Variants in KCTD21 observed in about 807,000 individuals in gnomAD.
The protein encoded by KCTD21 is BTB/POZ domain-containing protein KCTD21.
KCTD21 carries 9 observed loss-of-function variants against 13.2 expected under a neutral mutation model. The observed-to-expected ratio is 0.68, with a 90% CI of 0.41 to 1.19. KCTD21 has a LOEUF of 1.19. Ranked by LOEUF, KCTD21 falls within the 50% of genes most tolerant of loss-of-function variation. The probability of loss-of-function intolerance (pLI) is 0.01; values close to 1 mark genes in which losing one functional copy is unlikely to be tolerated. For missense variants in KCTD21, 303 were observed against 336.5 expected, an observed-to-expected ratio of 0.90 and a Z score of 0.78; for synonymous variants, 142 against 137.4, an observed-to-expected ratio of 1.03 and a Z score of -0.23.
At chr11:78,176,353 G>T (rs1209117381) in intron 1 of KCTD21, 2 of 152,150 alleles carry the variant, frequency 1.3e-5, no homozygotes, top group Non-Finnish European at 2.9e-5. Flanking sequence ...GCAAATGCAG[G>T]ACTCTGTCAG....
At chr11:78,174,905 A>G (rs901866986) in intron 1 of KCTD21, 4 of 214,922 alleles carry the variant, frequency 1.9e-5, no homozygotes, top group Non-Finnish European at 3.7e-5. Flanking sequence ...TGGTATTTTG[A>G]AAGAGTTCCC....
chr11:78,174,675 C>T (rs191355052), intron 1 of KCTD21, 92 bp from the exon 2 acceptor site: 2 of 881,742 alleles, frequency 2.3e-6, no homozygotes, highest in African/African-American at 1.7e-5. Flanking sequence ...AAGCCTATGC[C>T]CTTGGGATCG....
chr11:78,183,643 T>G (rs1447907877), intron 1 of KCTD21, among the ~76,000 whole-genome samples: 2 of 151,422 alleles, frequency 1.3e-5, no homozygotes, highest in East Asian at 3.9e-4. Context: ...TTAATTCTTT[T>G]TTTTTTTTTT....
chr11:78,186,870 T>G, intron 1 of KCTD21: 6 of 985,496 alleles, frequency 6.1e-6, no homozygotes, highest in Non-Finnish European at 7.2e-6. Context: ...CTTAAGTAGA[T>G]GGATGCCTGG....
At chr11:78,187,556 C>G in intron 1 of KCTD21, 1 of 985,440 alleles carries the variant, frequency 1.0e-6, no homozygotes, top group East Asian at 1.1e-4. Context: ...CCAGAACTTT[C>G]CTTCACCTTC....
chr11:78,188,376 G>A, intron 1 of KCTD21, 197 bp downstream of exon 1: 6 of 985,206 alleles, frequency 6.1e-6, no homozygotes, highest in Non-Finnish European at 7.2e-6. Context: ...GCCCCTCTAA[G>A]AGCTCTGCCC....
At chr11:78,184,761 T>C (rs1325365309) in intron 1 of KCTD21, among the ~76,000 whole-genome samples, 1 of 110,386 alleles carries the variant, frequency 9.1e-6, no homozygotes, top group African/African-American at 3.4e-5. Flanking sequence ...AGAATTTTTT[T>C]TTTCTTGAGA....
At chr11:78,188,302 C>A (rs1862870486) in intron 1 of KCTD21, 2 of 984,594 alleles carry the variant, frequency 2.0e-6, no homozygotes, top group Admixed American at 1.2e-4. Context: ...CTCCCACAGT[C>A]CCGACCCTCA....
rs1459081445 is a variant in KCTD21, at chr11:78,180,093, T to A, written c.-29-5510A>T. 1.3e-5 allele frequency among the ~76,000 whole-genome samples: 2 copies of A among 152,136 alleles called. 1 individual carries two copies. The highest frequency in any genetic ancestry group is 2.9e-5 in the Non-Finnish European group (2 of 68,046). ...ACATATCATAGACCTAAATATAAAA[T>A]CTAAAACTACACAACTTCTAGGAGA... On this transcript the variant is annotated intron_variant, in intron 1 of 1. Transcript: ENST00000340067.
At chr11:78,186,777 C>G in intron 1 of KCTD21, 2 of 985,444 alleles carry the variant, frequency 2.0e-6, no homozygotes, top group Non-Finnish European at 2.4e-6. Context: ...CATGCATCGG[C>G]CAGGTCTCTC....
At chr11:78,188,025 T>A in intron 1 of KCTD21, 1 of 985,434 alleles carries the variant, frequency 1.0e-6, no homozygotes, top group Non-Finnish European at 1.2e-6. Flanking sequence ...GGATGGACTC[T>A]TTATTTCCAG....
rs117759351 is a variant in KCTD21, at chr11:78,181,532, A to G, written c.-29-6949T>C. Among the ~76,000 whole-genome samples, 41 of 152,320 alleles carry G rather than the reference A, an allele frequency of 2.7e-4. No individual in the cohort carries two copies. The East Asian group carries it at 7.5e-3, about 28-fold the overall frequency. On this transcript the variant is annotated intron_variant, in intron 1 of 1. Transcript: ENST00000340067. ...GAAAAGACTGGTTACAAAGAAACAC[A>G]AGGCATATTTTGGAGTGATGGGAAT...
In KCTD21 at chr11:78,173,698, G is replaced by T; in HGVS notation, c.*74C>A. The T allele has an allele frequency of 2.4e-6, 3 of 1,265,544 alleles. No individual in the cohort carries two copies. Among genetic ancestry groups the T allele is most frequent in the Admixed American group, 3.8e-5 (2 of 51,990 alleles). 78.4% of individuals were successfully genotyped at this position (1,265,544 alleles called of 1,614,324 possible). On this transcript the variant is annotated 3_prime_UTR_variant, in exon 2 of 2. Coordinates refer to ENST00000340067, the MANE Select transcript of KCTD21 (RefSeq NM_001029859.3). ...GTATAGTCCCCTGCCTCGCACCACT[G>T]GCGAGATGCCCTCCAAGACCTGGCT...
In KCTD21 at chr11:78,188,130, G is replaced by C. The variant is rs1470757774; in HGVS notation, c.-30+443C>G. On this transcript the variant is annotated intron_variant, in intron 1 of 1. Transcript: ENST00000340067. ...CTCTCCAGAGCGGGGCAAGTTCCCTGTCATCTGTGTCTCCGCCCTTCCTTC... is the reference window on the plus strand; with the variant it reads ...CTCTCCAGAGCGGGGCAAGTTCCCTCTCATCTGTGTCTCCGCCCTTCCTTC... The C allele has an allele frequency of 3.0e-6, 3 of 985,270 alleles. No homozygotes were observed. The African/African-American group carries it at 5.2e-5, about 17-fold the overall frequency. 61.0% of individuals were successfully genotyped at this position (985,270 alleles called of 1,614,324 possible).
chr11:78,186,341 C>T (rs1304629033), intron 1 of KCTD21, among the ~76,000 whole-genome samples: 1 of 131,456 alleles, frequency 7.6e-6, no homozygotes. Flanking sequence ...CACTGCACTC[C>T]AGCTTGGGCA....
rs1245507979 is a variant in KCTD21, at chr11:78,181,379, C to T, written c.-29-6796G>A. Among the ~76,000 whole-genome samples, 11 of 152,152 alleles carry T rather than the reference C, an allele frequency of 7.2e-5. No homozygotes were observed. In the East Asian group the frequency reaches 1.5e-3, roughly 21 times the overall value. On this transcript the variant is annotated intron_variant, in intron 1 of 1. Coordinates refer to ENST00000340067, the MANE Select transcript of KCTD21 (RefSeq NM_001029859.3). ...ACATACATGAATTTCAAAAGCATTACGTCAAGTGAAAGAAGCCAGCCTCAG... is the reference window on the plus strand; with the variant it reads ...ACATACATGAATTTCAAAAGCATTATGTCAAGTGAAAGAAGCCAGCCTCAG...
intron 1 of KCTD21, chr11:78,186,655 T>A: frequency 1.0e-6 from 1 of 971,638 alleles, no homozygotes; most frequent in Non-Finnish European, 1.2e-6. Flanking sequence ...ATCTCACAGA[T>A]TAAGTAGATA....
At chr11:78,177,387 G>A (rs1337310839) in intron 1 of KCTD21, among the ~76,000 whole-genome samples, 2 of 152,230 alleles carry the variant, frequency 1.3e-5, no homozygotes, top group East Asian at 1.9e-4. Flanking sequence ...GATGGGCTGC[G>A]AGACGGTGGG....
At chr11:78,178,330 A>T (rs1000916564) in intron 1 of KCTD21, among the ~76,000 whole-genome samples, 6 of 151,862 alleles carry the variant, frequency 4.0e-5, no homozygotes, top group Non-Finnish European at 1.5e-5. Context: ...GGATTTCACC[A>T]TGTTGGCCAG....
Sources: allele counts gnomAD v4.1 joint callset (sites outside exome capture counted in the v4.1 genomes callset), GRCh38; gene constraint gnomAD v4.1.1; transcripts MANE v1.5; gene names NCBI Gene and HGNC (gene_info 2026-07-23, HGNC 2026-07-21).